The following FBXO34 variants were observed in gnomAD, a reference collection of about 807,000 sequenced individuals.
FBXO34 encodes the protein F-box protein 34, also known as F-box only protein 34.
FBXO34 carries 12 observed loss-of-function variants against 24.5 expected under a neutral mutation model. The ratio of observed to expected loss-of-function variants is 0.49; its 90% CI spans 0.31 to 0.79. FBXO34 has a LOEUF of 0.79. FBXO34 is among the 30% of genes least tolerant of loss of function. The probability of loss-of-function intolerance (pLI) is 0.04; values close to 1 mark genes in which losing one functional copy is unlikely to be tolerated. For synonymous variants in FBXO34, 320 were observed against 311.9 expected, an observed-to-expected ratio of 1.03 and a Z score of -0.27; for missense variants, 823 against 857.7, an observed-to-expected ratio of 0.96 and a Z score of 0.51.
At chr14:55,357,742 A>T (rs1438032853), downstream of FBXO34, among the ~76,000 whole-genome samples, 1 of 152,188 alleles carries the variant, frequency 6.6e-6, no homozygotes, top group Non-Finnish European at 1.5e-5. Context: ...GAGCCTAGGA[A>T]GTTGGCTGCA....
chr14:55,306,581 C>G (rs1882552773), intron 1 of FBXO34, among the ~76,000 whole-genome samples: 1 of 152,162 alleles, frequency 6.6e-6, no homozygotes, highest in South Asian at 2.1e-4. Context: ...CGCGTGTAAT[C>G]CCAGCACTTT....
chr14:55,387,994 AGGTGT>A, the FBXO34 span, among the ~76,000 whole-genome samples: 1 of 151,880 alleles, frequency 6.6e-6, no homozygotes, highest in Non-Finnish European at 1.5e-5. Flanking sequence ...ACAATCAGCC[AGGTGT>A]GGTGATGGGT....
At chr14:55,300,317 G>C (rs1307634669) in intron 1 of FBXO34, among the ~76,000 whole-genome samples, 1 of 152,122 alleles carries the variant, frequency 6.6e-6, no homozygotes, top group Admixed American at 6.5e-5. Context: ...TTGTGGCCGG[G>C]CGAGGTGGCT....
Position 55,351,898 on chromosome 14 carries a change from A to G in FBXO34, c.1508A>G (p.Lys503Arg), listed in dbSNP as rs1465316638. The change falls in exon 2 of 2, where the codon AAA (lysine) becomes AGA (arginine). Residue 503 changes from lysine (K) to arginine (R), a missense_variant. Physicochemically the swap from Lys to Arg is conservative, Grantham distance 26 (BLOSUM62 2). Coordinates refer to ENST00000313833, the MANE Select transcript of FBXO34 (RefSeq NM_017943.4). ...DYSQLNESTT[K>R]ESSEASQLED... ...TCCCAGTTGAATGAAAGCACAACAA[A>G]AGAGTCTTCAGAGGCCAGCCAGCTT... is the stretch of plus-strand genomic sequence containing the variant. The G allele has an allele frequency of 2.5e-6, 4 of 1,614,080 alleles. No individual in the cohort carries two copies. The highest frequency in any genetic ancestry group is 1.1e-5 in the South Asian group (1 of 91,090).
At chr14:55,380,877 T>TATATATATATATA in the FBXO34 span, among the ~76,000 whole-genome samples, 2 of 43,688 alleles carry the variant, frequency 4.6e-5, no homozygotes, top group African/African-American at 3.9e-4. Context: ...ATATATATAT[T>TATATATATATATA]TTTTTTTTTT....
chr14:55,390,639 G>A, the FBXO34 span, among the ~76,000 whole-genome samples: 1 of 152,246 alleles, frequency 6.6e-6, no homozygotes, highest in Non-Finnish European at 1.5e-5. Context: ...CCAAAGTGCT[G>A]GGATTACAGG....
At chr14:55,373,316 A>G (rs1342732424), downstream of FBXO34, among the ~76,000 whole-genome samples, 3 of 152,176 alleles carry the variant, frequency 2.0e-5, no homozygotes, top group African/African-American at 7.2e-5. Flanking sequence ...TAGCTTTGTA[A>G]AAGTCACTTT....
chr14:55,310,583 A>G (rs1882701084), intron 1 of FBXO34, among the ~76,000 whole-genome samples: 1 of 152,202 alleles, frequency 6.6e-6, no homozygotes, highest in African/African-American at 2.4e-5. Flanking sequence ...TTTTAAGTGT[A>G]CAAGGAATCT....
the FBXO34 span, chr14:55,440,468 T>TG: frequency 1.2e-5 from 19 of 1,571,024 alleles, no homozygotes; most frequent in African/African-American, 1.4e-4. Flanking sequence ...ATCCCACTGT[T>TG]GGGGGTGGGG....
At chr14:55,404,914 C>A in the FBXO34 span, among the ~76,000 whole-genome samples, 1 of 152,134 alleles carries the variant, frequency 6.6e-6, no homozygotes, top group Admixed American at 6.6e-5. Flanking sequence ...ACATTAATAA[C>A]TCATGGGGTG....
At chr14:55,439,616 C>CG in the FBXO34 span, among the ~76,000 whole-genome samples, 3 of 102,498 alleles carry the variant, frequency 2.9e-5, 1 homozygote, top group East Asian at 6.3e-4. Flanking sequence ...AAAAGCAAAC[C>CG]CCCCCCCGTC....
the FBXO34 span, among the ~76,000 whole-genome samples, chr14:55,434,134 G>T: frequency 6.6e-6 from 1 of 152,120 alleles, no homozygotes; most frequent in Non-Finnish European, 1.5e-5. Context: ...TTCTTTTGAA[G>T]AATCTTTTGG....
downstream of FBXO34, among the ~76,000 whole-genome samples, chr14:55,355,678 A>G (rs982164635): frequency 1.3e-5 from 2 of 152,236 alleles, no homozygotes; most frequent in Non-Finnish European, 2.9e-5. Context: ...ATTTTCCATC[A>G]GAGACTTGAG....
At chr14:55,361,357 A>C (rs915347213) in intron 3 of FBXO34, among the ~76,000 whole-genome samples, 10 of 152,242 alleles carry the variant, frequency 6.6e-5, no homozygotes, top group Non-Finnish European at 1.0e-4. Context: ...TTGTGGGCTT[A>C]ATCTGTAAAC....
At chr14:55,419,804 A>C in the FBXO34 span, among the ~76,000 whole-genome samples, 3 of 152,212 alleles carry the variant, frequency 2.0e-5, no homozygotes, top group Non-Finnish European at 4.4e-5. Flanking sequence ...ACAGTTCCCA[A>C]CTAGGCAAGA....
At chr14:55,433,044 T>A in the FBXO34 span, among the ~76,000 whole-genome samples, 3 of 152,198 alleles carry the variant, frequency 2.0e-5, no homozygotes, top group Non-Finnish European at 4.4e-5. Flanking sequence ...TTAAAAAAAA[T>A]TCACCTTAGA....
At chr14:55,343,575 G>A (rs2140075175) in intron 1 of FBXO34, among the ~76,000 whole-genome samples, 1 of 152,238 alleles carries the variant, frequency 6.6e-6, no homozygotes, top group South Asian at 2.1e-4. Flanking sequence ...TATAAATAAA[G>A]AGTGGCTCTT....
In FBXO34 at chr14:55,322,937, G is replaced by C. The variant is rs536544541; in HGVS notation, c.-10-27444G>C. 4.7e-5 allele frequency among the ~76,000 whole-genome samples: 7 copies of C among 148,296 alleles called. No individual in the cohort carries two copies. The South Asian group carries it at 1.5e-3, about 32-fold the overall frequency. On this transcript the variant is annotated intron_variant, in intron 1 of 1. Coordinates refer to ENST00000313833, the MANE Select transcript of FBXO34 (RefSeq NM_017943.4). ...GCCTGTAATCCCAGCACTTTGGGAG[G>C]CTGAGGTGGGCGGATCACGAGGTCA...
At chr14:55,380,673 G>C in the FBXO34 span, 1 of 1,602,252 alleles carries the variant, frequency 6.2e-7, no homozygotes, top group Non-Finnish European at 8.5e-7. Flanking sequence ...GTGTAGGCAG[G>C]GTTACTCTGC....
Sources: allele counts gnomAD v4.1 joint callset (sites outside exome capture counted in the v4.1 genomes callset), GRCh38; gene constraint gnomAD v4.1.1; transcripts MANE v1.5; gene names NCBI Gene and HGNC (gene_info 2026-07-23, HGNC 2026-07-21).